Variants in GRK2 observed in about 807,000 individuals in gnomAD.
The protein encoded by GRK2 is adrenergic beta receptor kinase 1.
Under a neutral mutation model 97.8 loss-of-function variants are expected in GRK2, and 23 were observed. The observed-to-expected ratio is 0.24, with a 90% CI of 0.17 to 0.33. The LOEUF is 0.33. GRK2 is among the 10% of genes least tolerant of loss of function. The pLI is 1.00. For missense variants in GRK2, 633 were observed against 956.9 expected, an observed-to-expected ratio of 0.66 and a Z score of 4.47; for synonymous variants, 425 against 381.7, an observed-to-expected ratio of 1.11 and a Z score of -1.32.
rs372875743 is a variant in GRK2 at position 67,286,366 on chromosome 11, C to T, written c.*916C>T. The T allele has an allele frequency of 4.2e-5, 29 of 698,170 alleles. No homozygotes were observed. The highest frequency in any genetic ancestry group is 2.8e-4 in the Middle Eastern group (1 of 3,576). 43.2% of individuals were successfully genotyped at this position (698,170 alleles called of 1,614,324 possible). On this transcript the variant is annotated 3_prime_UTR_variant, in exon 21 of 21. Transcript: ENST00000308595. Reference sequence around the variant, plus strand: ...CCACGTCCTGTCAGTGCCGCCGCCTCGCCCACCGCATGCCCCCTCGTGCCA... The same window carrying T: ...CCACGTCCTGTCAGTGCCGCCGCCTTGCCCACCGCATGCCCCCTCGTGCCA...
Position 67,279,823 on chromosome 11 carries a change from C to T in GRK2, c.442-16C>T, listed in dbSNP as rs769244447. On this transcript the variant is annotated splice_polypyrimidine_tract_variant and intron_variant, in intron 5 of 20. Coordinates refer to ENST00000308595, the MANE Select transcript of GRK2 (RefSeq NM_001619.5). ...CTCTCGGGGCTCAGTCACCAACTTCCAGCTTCCTCCCTTAGCCATACATCG... is the reference window on the plus strand; with the variant it reads ...CTCTCGGGGCTCAGTCACCAACTTCTAGCTTCCTCCCTTAGCCATACATCG... 2.9e-5 allele frequency: 47 copies of T among 1,613,914 alleles called. No homozygotes were observed. In the Admixed American group the frequency reaches 7.7e-4, roughly 26 times the overall value.
Position 67,285,625 on chromosome 11 carries a change from A to G in GRK2, c.*175A>G, listed in dbSNP as rs1219007306. The G allele has an allele frequency of 1.8e-5, 14 of 787,038 alleles. No individual in the cohort carries two copies. Among genetic ancestry groups the G allele is most frequent in the Non-Finnish European group, 2.7e-5 (14 of 523,216 alleles). The allele number at this position is 787,038 out of a possible 1,614,324, so 48.8% of individuals were successfully genotyped here. ...GCCTCGGCTCCTGCTGCACCAACCC[A>G]GCCGCTGCCCGGCGCCCTCTGTCCT... On this transcript the variant is annotated 3_prime_UTR_variant, in exon 21 of 21. Transcript: ENST00000308595.
Position 67,285,020 on chromosome 11 carries a change from C to T in GRK2, c.1791+37C>T, listed in dbSNP as rs762067309. 48 of 1,612,136 alleles carry T rather than the reference C, an allele frequency of 3.0e-5. No individual in the cohort carries two copies. In the South Asian group the frequency reaches 4.9e-4, roughly 17 times the overall value. ...GTGCGGGGGTCCGGGAGCCGGGCTT[C>T]CGGGTGGCTGGCCGGCCCGGCTCTT... On this transcript the variant is annotated intron_variant, in intron 19 of 20. Transcript: ENST00000308595.
At position 67,281,572 on chromosome 11, in the gene GRK2, G is replaced by T. The variant is rs1445160180; in HGVS notation, c.747+14G>T. On this transcript the variant is annotated intron_variant, in intron 9 of 20. Coordinates refer to ENST00000308595, the MANE Select transcript of GRK2 (RefSeq NM_001619.5). The surrounding 1 kb of genome is among the most constrained non-coding windows in gnomAD (Gnocchi z 5.7). ...GTCAGCACTGGGGTGAGCTGGGTGG[G>T]CCGGGCTGCCGCTGAGGCTCTGGAA... is the stretch of plus-strand genomic sequence containing the variant. 1.9e-6 allele frequency: 3 copies of T among 1,612,626 alleles called. No homozygotes were observed. The highest frequency in any genetic ancestry group is 2.5e-6 in the Non-Finnish European group (3 of 1,179,498).
At position 67,281,780 on chromosome 11, in the gene GRK2, G is replaced by A; in HGVS notation, c.827-42G>A. On this transcript the variant is annotated intron_variant, in intron 10 of 20. Coordinates refer to ENST00000308595, the MANE Select transcript of GRK2 (RefSeq NM_001619.5). The surrounding 1 kb of genome is among the most constrained non-coding windows in gnomAD (Gnocchi z 5.7). ...GGCCGGGCCCAGGCACGGGAGGCTG[G>A]GGCAAGACACTGAGTGCTGCCTGTG... 6.2e-7 allele frequency: 1 copy of A among 1,613,642 alleles called. No homozygotes were observed. The highest frequency in any genetic ancestry group is 8.5e-7 in the Non-Finnish European group (1 of 1,179,984).
intron 14 of GRK2, 98 bp from the exon 15 acceptor site, chr11:67,283,030 T>G: frequency 7.7e-7 from 1 of 1,296,810 alleles, no homozygotes; most frequent in Admixed American, 1.7e-5. Context: ...GTGCCCCATC[T>G]GTCCCTCTGC....
In GRK2 at chr11:67,284,830, T is replaced by C. The variant is rs1860235296; in HGVS notation, c.1655-17T>C. The stretch of plus-strand genomic sequence containing the variant: ...CCCAGGTGGGGCCGGCTGAGTCTCC[T>C]CTGTCTCTCGCCTCAGACTACGCCC... On this transcript the variant is annotated splice_polypyrimidine_tract_variant and intron_variant, in intron 18 of 20. Transcript: ENST00000308595. The C allele has an allele frequency of 1.9e-6, 3 of 1,610,800 alleles. No homozygotes were observed. The highest frequency in any genetic ancestry group is 1.7e-5 in the Admixed American group (1 of 59,852).
rs1292473608 is a variant in GRK2, at chr11:67,266,972, C to T, written c.113+160C>T. 1.3e-5 allele frequency among the ~76,000 whole-genome samples: 2 copies of T among 151,864 alleles called. 1 individual carries two copies. Among genetic ancestry groups the T allele is most frequent in the South Asian group, 4.1e-4 (2 of 4,832 alleles). The stretch of plus-strand genomic sequence containing the variant: ...AGCCCGGAGCAGCCCGGCCTTGGCG[C>T]CTGCGGGTCCAGACCCTAAGCCCCA... On this transcript the variant is annotated intron_variant, in intron 1 of 20. Coordinates refer to ENST00000308595, the MANE Select transcript of GRK2 (RefSeq NM_001619.5).
intron 20 of GRK2, 34 bp downstream of exon 20, chr11:67,285,222 G>A (rs558494689): frequency 1.2e-5 from 20 of 1,612,118 alleles, no homozygotes; most frequent in South Asian, 9.9e-5. Context: ...TGGGAGGGCC[G>A]AGGGGCCAGG....
Position 67,286,400 on chromosome 11 carries a change from G to A in GRK2, c.*950G>A, listed in dbSNP as rs1299173279. The A allele has an allele frequency of 1.4e-6, 1 of 700,970 alleles. No individual in the cohort carries two copies. The highest frequency in any genetic ancestry group is 2.6e-6 in the Non-Finnish European group (1 of 384,098). The allele number at this position is 700,970 out of a possible 1,614,324, so 43.4% of individuals were successfully genotyped here. On this transcript the variant is annotated 3_prime_UTR_variant, in exon 21 of 21. Transcript: ENST00000308595. ...CATGCCCCCTCGTGCCAGTCGCGCT[G>A]CCTGTGTGGTGTCGCGCCTTCTCCC...
intron 1 of GRK2, among the ~76,000 whole-genome samples, chr11:67,268,909 A>G (rs974552931): frequency 2.0e-5 from 3 of 152,226 alleles, no homozygotes; most frequent in South Asian, 4.1e-4. Flanking sequence ...CCTGAGCAGA[A>G]ACAAGGTTGG....
At chr11:67,274,816 G>A (rs1049653824) in intron 1 of GRK2, among the ~76,000 whole-genome samples, 5 of 152,264 alleles carry the variant, frequency 3.3e-5, no homozygotes, top group South Asian at 2.1e-4. Context: ...TGTCCTTGAC[G>A]GTGGCTGGTG....
Position 67,285,676 on chromosome 11 carries a change from T to C in GRK2, c.*226T>C. On this transcript the variant is annotated 3_prime_UTR_variant, in exon 21 of 21. Transcript: ENST00000308595. The stretch of plus-strand genomic sequence containing the variant: ...GACTTCAGGGGCTGCCCGCTCCCAG[T>C]GTCTTCCTGTGGGGGAAGAGCACAG... 1.8e-6 allele frequency: 1 copy of C among 548,798 alleles called. No individual in the cohort carries two copies. Among genetic ancestry groups the C allele is most frequent in the Non-Finnish European group, 3.2e-6 (1 of 316,930 alleles). 34.0% of individuals were successfully genotyped at this position (548,798 alleles called of 1,614,324 possible).
chr11:67,283,454 G>T (rs1004534366), intron 15 of GRK2: 10 of 609,048 alleles, frequency 1.6e-5, no homozygotes, highest in Non-Finnish European at 2.9e-5. Flanking sequence ...CCTTGTCACA[G>T]ATGATGATGA....
At position 67,266,741 on chromosome 11, in the gene GRK2, G is replaced by C. The variant is rs747444658; in HGVS notation, c.42G>C (p.Leu14=). The C allele has an allele frequency of 4.4e-6, 6 of 1,373,274 alleles. No individual in the cohort carries two copies. The African/African-American group carries it at 4.5e-5, about 10-fold the overall frequency. The allele number at this position is 1,373,274 out of a possible 1,614,324, so 85.1% of individuals were successfully genotyped here. A position where few individuals can be genotyped will look rare whatever the true frequency, so the allele number is the denominator to read the frequency against. ...LEAVLADVSY[L]MAMEKSKATP... Reference sequence around the variant, plus strand: ...CGGTGCTGGCCGACGTGAGCTACCTGATGGCCATGGAGAAGAGCAAGGCCA... The same window carrying C: ...CGGTGCTGGCCGACGTGAGCTACCTCATGGCCATGGAGAAGAGCAAGGCCA... The change falls in exon 1 of 21, where the codon CTG becomes CTC. Residue 14 remains leucine (L), a synonymous_variant. Coordinates refer to ENST00000308595, the MANE Select transcript of GRK2 (RefSeq NM_001619.5).
Position 67,283,708 on chromosome 11 carries a change from G to T in GRK2, c.1330G>T (p.Ala444Ser), listed in dbSNP as rs1309787074. ...CAGATGACTGGCCTCTCCCCACAGG[G>T]CTCAGGAGGTGAAAGAGAGCCCCTT... is the stretch of plus-strand genomic sequence containing the variant. ...NRRLGCLGRG[A>S]QEVKESPFFR... The change falls in exon 16 of 21, where the codon GCT becomes TCT. Residue 444 changes from alanine (A) to serine (S), a missense_variant and splice_region_variant. By Grantham distance (99) the Ala-to-Ser change is moderately conservative. Transcript: ENST00000308595. 6.2e-7 allele frequency: 1 copy of T among 1,613,148 alleles called. No homozygotes were observed. Among genetic ancestry groups the T allele is most frequent in the Non-Finnish European group, 8.5e-7 (1 of 1,180,004 alleles).
intron 1 of GRK2, among the ~76,000 whole-genome samples, chr11:67,273,614 C>T (rs1446531393): frequency 6.6e-6 from 1 of 152,108 alleles, no homozygotes; most frequent in East Asian, 1.9e-4. Context: ...CTTTGGGGGC[C>T]TTCCATTCAA....
In GRK2 at chr11:67,284,483, G is replaced by A; in HGVS notation, c.1654+110G>A. 4 of 1,332,210 alleles carry A rather than the reference G, an allele frequency of 3.0e-6. No individual in the cohort carries two copies. The South Asian group carries it at 5.4e-5, about 18-fold the overall frequency. The allele number at this position is 1,332,210 out of a possible 1,614,324, so 82.5% of individuals were successfully genotyped here. A position where few individuals can be genotyped will look rare whatever the true frequency, so the allele number is the denominator to read the frequency against. ...ATCACAGCCAGAAAGTGGCGGCTCTGGGATTCAAACTCAGGCTGGGGCCGG... is the reference window on the plus strand; with the variant it reads ...ATCACAGCCAGAAAGTGGCGGCTCTAGGATTCAAACTCAGGCTGGGGCCGG... On this transcript the variant is annotated intron_variant, in intron 18 of 20. Transcript: ENST00000308595.
At position 67,281,372 on chromosome 11, in the gene GRK2, G is replaced by A; in HGVS notation, c.648-87G>A. On this transcript the variant is annotated intron_variant, in intron 8 of 20. Transcript: ENST00000308595. This position sits in a 1 kb window ranked among gnomAD's most constrained non-coding sequence, Gnocchi z 5.7. ...GATTTGTGTCACACGCTGGTCCTGG[G>A]TCTAGTCTTTCCCTCAAGCGCCCCC... is the stretch of plus-strand genomic sequence containing the variant. 4 of 1,309,470 alleles carry A rather than the reference G, an allele frequency of 3.1e-6. No individual in the cohort carries two copies. Among genetic ancestry groups the A allele is most frequent in the South Asian group, 1.2e-5 (1 of 83,074 alleles). 81.1% of individuals were successfully genotyped at this position (1,309,470 alleles called of 1,614,324 possible).
Sources: allele counts gnomAD v4.1 joint callset (sites outside exome capture counted in the v4.1 genomes callset), GRCh38; gene constraint gnomAD v4.1.1; non-coding constraint Gnocchi (gnomAD v3.1); transcripts MANE v1.5; gene names NCBI Gene and HGNC (gene_info 2026-07-23, HGNC 2026-07-21).